Variants in SAMD3 observed in about 807,000 individuals in gnomAD.
SAMD3 encodes sterile alpha motif domain-containing protein 3.
In SAMD3, 63 loss-of-function variants were observed where a neutral mutation model predicts 58.5. The ratio of observed to expected loss-of-function variants is 1.08; its 90% CI spans 0.88 to 1.33. The LOEUF is 1.33. Among genes scored for constraint, SAMD3 ranks in the 40% most tolerant of loss-of-function variants. The probability of loss-of-function intolerance (pLI) is 0.00; values close to 1 mark genes in which losing one functional copy is unlikely to be tolerated. For missense variants in SAMD3, 604 were observed against 608.4 expected, an observed-to-expected ratio of 0.99 and a Z score of 0.08; for synonymous variants, 220 against 210.3, an observed-to-expected ratio of 1.05 and a Z score of -0.40.
chr6:130,336,881 T>G (rs1173666962), intron 1 of SAMD3, among the ~76,000 whole-genome samples: 4 of 152,230 alleles, frequency 2.6e-5, no homozygotes, highest in Non-Finnish European at 5.9e-5. Context: ...TGAATCAATG[T>G]TTATACTCAT....
At chr6:130,178,681 T>G (rs1328591175) in intron 7 of SAMD3, among the ~76,000 whole-genome samples, 1 of 152,220 alleles carries the variant, frequency 6.6e-6, no homozygotes, top group East Asian at 1.9e-4. Flanking sequence ...AAGTAACCCC[T>G]CTTAATTTTA....
chr6:130,365,050 G>T, intron 1 of SAMD3: 2 of 342,722 alleles, frequency 5.8e-6, no homozygotes, highest in Non-Finnish European at 8.3e-6. Flanking sequence ...CACACCTTGT[G>T]CATGCGGCTG....
intron 5 of SAMD3, among the ~76,000 whole-genome samples, chr6:130,186,935 T>A (rs1367834715): frequency 6.6e-6 from 1 of 151,442 alleles, no homozygotes; most frequent in Non-Finnish European, 1.5e-5. Flanking sequence ...CGTGCCTGGC[T>A]AATTTTTTTT....
chr6:130,213,315 T>C (rs78438245), intron 4 of SAMD3, among the ~76,000 whole-genome samples: 31,822 of 135,790 alleles, frequency 0.23, 4,126 homozygotes, highest in East Asian at 0.44. Flanking sequence ...ACAAAAAGCT[T>C]TTTTTTTTTT....
At chr6:130,180,582 C>T (rs1792216419) in intron 7 of SAMD3, among the ~76,000 whole-genome samples, 1 of 152,152 alleles carries the variant, frequency 6.6e-6, no homozygotes, top group South Asian at 2.1e-4. Context: ...AACTCTCAGC[C>T]AGTGACGTGA....
chr6:130,163,149 CA>C (rs113227558), intron 8 of SAMD3, among the ~76,000 whole-genome samples: 6,801 of 147,418 alleles, frequency 0.046, 492 homozygotes, highest in African/African-American at 0.16. Flanking sequence ...ATTTAGTATG[CA>C]AAAAAAAAGA....
intron 5 of SAMD3, among the ~76,000 whole-genome samples, chr6:130,201,265 T>G (rs1231685743): frequency 6.6e-6 from 1 of 152,204 alleles, no homozygotes; most frequent in East Asian, 1.9e-4. Context: ...ATCTCTTTGA[T>G]TATTCCCTAA....
At chr6:130,360,923 TG>T (rs1777968704) in intron 1 of SAMD3, among the ~76,000 whole-genome samples, 1 of 152,218 alleles carries the variant, frequency 6.6e-6, no homozygotes, top group Non-Finnish European at 1.5e-5. Flanking sequence ...AAGAGAAATA[TG>T]GCTCTGTCCC....
At chr6:130,323,444 A>ATTT (rs146122392) in intron 1 of SAMD3, among the ~76,000 whole-genome samples, 1 of 148,044 alleles carries the variant, frequency 6.8e-6, no homozygotes. Flanking sequence ...AAAATTTCCA[A>ATTT]TTTTTTTTTT....
intron 2 of SAMD3, among the ~76,000 whole-genome samples, chr6:130,283,088 T>C (rs1775035957): frequency 6.6e-6 from 1 of 151,938 alleles, no homozygotes; most frequent in Non-Finnish European, 1.5e-5. Context: ...AAACGGCACA[T>C]TTGAAAAAGA....
chr6:130,229,152 G>A (rs779145366), intron 2 of SAMD3, among the ~76,000 whole-genome samples: 15 of 152,202 alleles, frequency 9.9e-5, no homozygotes, highest in East Asian at 5.8e-4. Flanking sequence ...TTGCATAAAC[G>A]GGAGCCCCAG....
At chr6:130,311,640 G>T (rs112882066) in intron 2 of SAMD3, among the ~76,000 whole-genome samples, 1 of 152,366 alleles carries the variant, frequency 6.6e-6, no homozygotes, top group Non-Finnish European at 1.5e-5. Context: ...CAGTGCAGCA[G>T]AGTGGAGGTG....
intron 5 of SAMD3, among the ~76,000 whole-genome samples, chr6:130,194,163 T>C (rs1254140513): frequency 2.0e-5 from 3 of 152,174 alleles, no homozygotes; most frequent in Non-Finnish European, 2.9e-5. Flanking sequence ...AATTTCCTCT[T>C]AAAAAGGTGG....
At position 130,154,950 on chromosome 6, in the gene SAMD3, T is replaced by A; in HGVS notation, c.898A>T (p.Lys300Ter). Residue 300 changes from lysine to a stop codon, truncating the protein, a stop_gained, in exon 9 of 12, where the codon AAG (lysine) becomes TAG (stop). Coordinates refer to ENST00000439090, the MANE Select transcript of SAMD3 (RefSeq NM_001017373.4). LOFTEE classifies it high-confidence loss of function. ...CTCTTGTCAATTTCTCTCCAGTCCTTTTCTGTTTTCACGTATTCTTGCTGG... is the reference window on the plus strand; with the variant it reads ...CTCTTGTCAATTTCTCTCCAGTCCTATTCTGTTTTCACGTATTCTTGCTGG... ...WFQQEYVKTE[K>*]DWREIDKRMS... The A allele has an allele frequency of 2.5e-6, 4 of 1,613,586 alleles. No individual in the cohort carries two copies. Among genetic ancestry groups the A allele is most frequent in the Non-Finnish European group, 3.4e-6 (4 of 1,179,758 alleles).
intron 9 of SAMD3, among the ~76,000 whole-genome samples, chr6:130,150,298 G>A (rs1789034822): frequency 6.6e-6 from 1 of 152,092 alleles, no homozygotes; most frequent in African/African-American, 2.4e-5. Flanking sequence ...TACCTTGTGG[G>A]GCTGGGACAA....
chr6:130,224,052 C>T (rs900968691), upstream of SAMD3, among the ~76,000 whole-genome samples: 2 of 152,032 alleles, frequency 1.3e-5, no homozygotes, highest in Admixed American at 6.6e-5. Context: ...ATGGGATCCA[C>T]AAGGGGAATG....
chr6:130,292,453 A>AT, intron 2 of SAMD3, among the ~76,000 whole-genome samples: 1 of 147,260 alleles, frequency 6.8e-6, no homozygotes, highest in South Asian at 2.2e-4. Flanking sequence ...TGCCCGGCTA[A>AT]TTTTTGTATT....
intron 2 of SAMD3, among the ~76,000 whole-genome samples, chr6:130,264,587 C>T (rs1286867066): frequency 6.6e-6 from 1 of 152,058 alleles, no homozygotes; most frequent in Non-Finnish European, 1.5e-5. Context: ...CGGGAGAAGC[C>T]CCTTATGGGT....
chr6:130,203,123 C>T (rs1215146364), intron 5 of SAMD3, among the ~76,000 whole-genome samples: 2 of 152,186 alleles, frequency 1.3e-5, no homozygotes, highest in Non-Finnish European at 2.9e-5. Flanking sequence ...ACACTGCTGG[C>T]CTACCTGCAC....
Sources: gnomAD v4.1 joint callset for allele counts (sites outside exome capture counted in the v4.1 genomes callset) on GRCh38, gnomAD v4.1.1 for gene constraint, MANE v1.5 for transcripts, NCBI Gene and HGNC (gene_info 2026-07-23, HGNC 2026-07-21) for gene names.